CAMTA1: variants seen among roughly 807,000 people sequenced by gnomAD.
The protein encoded by CAMTA1 is calmodulin-binding transcription activator 1.
In CAMTA1, 27 loss-of-function variants were observed where a neutral mutation model predicts 170.9. That is an observed-to-expected ratio of 0.16 (90% CI 0.12 to 0.22). CAMTA1 has a LOEUF of 0.22. Ranked by LOEUF, CAMTA1 falls within the 10% of genes least tolerant of loss-of-function variation. The pLI is 1.00. For synonymous variants in CAMTA1, 833 were observed against 891.5 expected, an observed-to-expected ratio of 0.93 and a Z score of 1.17; for missense variants, 1,619 against 2,217.2, an observed-to-expected ratio of 0.73 and a Z score of 5.42.
At chr1:7,243,796 T>G (rs1260899869) in intron 4 of CAMTA1, among the ~76,000 whole-genome samples, 2 of 152,154 alleles carry the variant, frequency 1.3e-5, no homozygotes, top group Non-Finnish European at 2.9e-5. Flanking sequence ...GGGGATGGCA[T>G]TGAATCTATA....
chr1:6,971,519 G>A lies in CAMTA1; in HGVS notation c.235-119785G>A, dbSNP rs541819555. Among the ~76,000 whole-genome samples, 11 of 152,126 alleles carry A rather than the reference G, an allele frequency of 7.2e-5. No individual in the cohort carries two copies. The highest frequency in any genetic ancestry group is 1.2e-4 in the African/African-American group (5 of 41,512). On this transcript the variant is annotated intron_variant, in intron 3 of 22. Transcript: ENST00000303635. The surrounding 1 kb of genome is among the most constrained non-coding windows in gnomAD (Gnocchi z 4.6). Reference sequence around the variant, plus strand: ...CCCCCACCCTCACTACTAATTTTACGTTGTCTTTGGAGTTGCTCAGGGGCC... The same window carrying A: ...CCCCCACCCTCACTACTAATTTTACATTGTCTTTGGAGTTGCTCAGGGGCC...
chr1:7,480,322 T>A (rs926666442), intron 6 of CAMTA1, among the ~76,000 whole-genome samples: 2 of 150,344 alleles, frequency 1.3e-5, no homozygotes, highest in East Asian at 3.9e-4. Context: ...TAAGTGTGTG[T>A]GTGTATGAGT....
intron 4 of CAMTA1, among the ~76,000 whole-genome samples, chr1:7,132,633 C>T (rs1024854792): frequency 3.3e-5 from 5 of 152,116 alleles, no homozygotes; most frequent in African/African-American, 1.2e-4. Flanking sequence ...ATTGCTTGAA[C>T]CTGGGAATTT....
In CAMTA1 at chr1:6,934,344, C is replaced by T. The variant is rs1684944480; in HGVS notation, c.234+109134C>T. ...AGTCAGGGCATGGCAGAGGAACCAC[C>T]CCTCTTGTAAAAGAGGCACACACAG... On this transcript the variant is annotated intron_variant, in intron 3 of 22. Coordinates refer to ENST00000303635, the MANE Select transcript of CAMTA1 (RefSeq NM_015215.4). This position sits in a 1 kb window ranked among gnomAD's most constrained non-coding sequence, Gnocchi z 4.5. Among the ~76,000 whole-genome samples the T allele has an allele frequency of 6.6e-6, 1 of 152,116 alleles. No homozygotes were observed. Among genetic ancestry groups the T allele is most frequent in the African/African-American group, 2.4e-5 (1 of 41,412 alleles).
chr1:7,120,675 A>T (rs1360517467), intron 4 of CAMTA1, among the ~76,000 whole-genome samples: 1 of 152,030 alleles, frequency 6.6e-6, no homozygotes, highest in Non-Finnish European at 1.5e-5. Flanking sequence ...CGCAGGGGGG[A>T]TCTTAGGCTC....
intron 3 of CAMTA1, among the ~76,000 whole-genome samples, chr1:6,953,774 A>G (rs75079274): frequency 7.1e-6 from 1 of 139,942 alleles, no homozygotes; most frequent in Admixed American, 7.1e-5. Context: ...TTTTTTTTTT[A>G]TGAGCTTTCT....
intron 1 of CAMTA1, among the ~76,000 whole-genome samples, chr1:6,812,130 A>G (rs1645240448): frequency 6.6e-6 from 1 of 152,192 alleles, no homozygotes; most frequent in African/African-American, 2.4e-5. Context: ...CTCTCAGAGC[A>G]TCGTACTTAC....
At chr1:7,661,428 C>T (rs916242973) in intron 7 of CAMTA1, among the ~76,000 whole-genome samples, 5 of 152,218 alleles carry the variant, frequency 3.3e-5, no homozygotes, top group African/African-American at 9.6e-5. Context: ...AGAGCCGCCT[C>T]GTGCACTCTG....
At chr1:7,087,831 T>G (rs1230241242) in intron 3 of CAMTA1, among the ~76,000 whole-genome samples, 1 of 152,252 alleles carries the variant, frequency 6.6e-6, no homozygotes, top group Non-Finnish European at 1.5e-5. Context: ...GATGGTGAAG[T>G]CCTTCTCCCC....
intron 5 of CAMTA1, among the ~76,000 whole-genome samples, chr1:7,285,976 A>T (rs1375679654): frequency 6.6e-6 from 1 of 152,160 alleles, no homozygotes. Context: ...AGGCCAGGAA[A>T]GAGACCTGCC....
At chr1:7,584,130 A>G (rs765141371) in intron 6 of CAMTA1, among the ~76,000 whole-genome samples, 1 of 152,072 alleles carries the variant, frequency 6.6e-6, no homozygotes, top group African/African-American at 2.4e-5. Context: ...TTAAAGAAAA[A>G]CTTTATTCAT....
rs569608783 is a variant in CAMTA1 at position 7,437,842 on chromosome 1, C to T, written c.439-29988C>T. On this transcript the variant is annotated intron_variant, in intron 5 of 22. Coordinates refer to ENST00000303635, the MANE Select transcript of CAMTA1 (RefSeq NM_015215.4). The stretch of plus-strand genomic sequence containing the variant: ...TACGACCGGCTCCTACACGGTCGGG[C>T]GGTGTGTCCAGCACATGGGTGAAGC... Among the ~76,000 whole-genome samples the T allele has an allele frequency of 6.0e-3, 910 of 152,320 alleles. 11 individuals carry two copies. The highest frequency in any genetic ancestry group is 0.021 in the African/African-American group (872 of 41,562).
At chr1:6,888,265 AC>A in intron 3 of CAMTA1, 1 of 985,568 alleles carries the variant, frequency 1.0e-6, no homozygotes, top group Non-Finnish European at 1.2e-6. Context: ...ATTTATAAAT[AC>A]CTTTTCCAAT....
At position 7,664,219 on chromosome 1, in the gene CAMTA1, A is replaced by G; in HGVS notation, c.1672A>G (p.Ser558Gly). The G allele has an allele frequency of 6.2e-7, 1 of 1,612,640 alleles. No individual in the cohort carries two copies. The highest frequency in any genetic ancestry group is 8.5e-7 in the Non-Finnish European group (1 of 1,179,994). The change falls in exon 9 of 23, where the codon AGC becomes GGC. Residue 558 changes from serine (S) to glycine (G), a missense_variant. Ser to Gly is a moderately conservative substitution (Grantham distance 56). Transcript: ENST00000303635. ...CTCCTCCGCGGCGGCTGTGGCAGCC[A>G]GCTCCCTCACCCTGACCGCCGGCTC... is the stretch of plus-strand genomic sequence containing the variant. ...YSSSAAAVAASSLTLTAGSSL... is the reference protein window; with the variant it reads ...YSSSAAAVAAGSLTLTAGSSL...
intron 6 of CAMTA1, among the ~76,000 whole-genome samples, chr1:7,514,110 T>C (rs1003474713): frequency 6.6e-6 from 1 of 152,212 alleles, no homozygotes; most frequent in African/African-American, 2.4e-5. Flanking sequence ...TTGGGGGATG[T>C]GAATCAACCT....
chr1:7,741,925 C>T (rs1028604754), intron 16 of CAMTA1, among the ~76,000 whole-genome samples: 1 of 146,398 alleles, frequency 6.8e-6, no homozygotes. Flanking sequence ...GTGTGAGCCA[C>T]CATGCCCGGC....
chr1:7,449,941 C>T (rs996465438), intron 5 of CAMTA1, among the ~76,000 whole-genome samples: 1 of 152,100 alleles, frequency 6.6e-6, no homozygotes, highest in Admixed American at 6.5e-5. Context: ...CGCAACAAGA[C>T]CACCAGGTGG....
chr1:6,828,286 CTTTTTTT>C (rs746522147), intron 3 of CAMTA1, among the ~76,000 whole-genome samples: 1 of 69,714 alleles, frequency 1.4e-5, no homozygotes, highest in South Asian at 5.1e-4. Context: ...TCATTCCATC[CTTTTTTT>C]TTTTTTTTTT....
chr1:7,104,128 T>TATGCATAC (rs1425850166), intron 4 of CAMTA1, among the ~76,000 whole-genome samples: 1 of 16,602 alleles, frequency 6.0e-5, no homozygotes, highest in Non-Finnish European at 1.8e-4. Context: ...ACAACACACA[T>TATGCATAC]AACTACACAC....
Sources: gnomAD v4.1 joint callset for allele counts (sites outside exome capture counted in the v4.1 genomes callset) on GRCh38, gnomAD v4.1.1 for gene constraint, Gnocchi (gnomAD v3.1) non-coding constraint, MANE v1.5 for transcripts, NCBI Gene and HGNC (gene_info 2026-07-23, HGNC 2026-07-21) for gene names.